Variants in TIMM23 observed in about 807,000 individuals in gnomAD.
The protein encoded by TIMM23 is mitochondrial import inner membrane translocase subunit Tim23.
A neutral mutation model predicts 30.7 loss-of-function variants in TIMM23; 19 were observed. The ratio of observed to expected loss-of-function variants is 0.62; its 90% CI spans 0.43 to 0.91. TIMM23 has a LOEUF of 0.91. Ranked by LOEUF, TIMM23 falls within the 40% of genes least tolerant of loss-of-function variation. TIMM23 has a pLI of 0.00. For missense variants in TIMM23, 202 were observed against 269.2 expected (o/e 0.75, Z 1.75); for synonymous variants, 78 against 98.5 (o/e 0.79, Z 1.23).
At chr10:45,989,314 C>G (rs1209966679) in intron 6 of TIMM23, among the ~76,000 whole-genome samples, 4 of 152,336 alleles carry the variant, frequency 2.6e-5, no homozygotes, top group African/African-American at 9.6e-5. Flanking sequence ...GAATTCCCTT[C>G]CTTTTTAAAG....
rs782262599 is a variant in TIMM23, at chr10:45,972,658, A to T, written c.34A>T (p.Thr12Ser). The T allele has an allele frequency of 7.4e-6, 12 of 1,614,008 alleles. No individual in the cohort carries two copies. Among genetic ancestry groups the T allele is most frequent in the South Asian group, 6.6e-5 (6 of 91,082 alleles). Residue 12 changes from threonine to serine, a missense_variant, in exon 1 of 7, where the codon ACA becomes TCA. Thr to Ser is a moderately conservative substitution (Grantham distance 58). Coordinates refer to ENST00000580018, the MANE Select transcript of TIMM23 (RefSeq NM_006327.4). ...AGGCGGGGGAAGCGGCAACAAAACCACAGGGGGATTGGCCGGCTTTTTCGG... is the reference window on the plus strand; with the variant it reads ...AGGCGGGGGAAGCGGCAACAAAACCTCAGGGGGATTGGCCGGCTTTTTCGG... ...EGGGGSGNKT[T>S]GGLAGFFGAG...
rs1220432900 is a variant in TIMM23 at position 45,979,855 on chromosome 10, T to C, written c.166-2668T>C. 4.7e-3 allele frequency among the ~76,000 whole-genome samples: 721 copies of C among 152,290 alleles called. 5 individuals carry two copies. The highest frequency in any genetic ancestry group is 0.019 in the East Asian group (98 of 5,178). On this transcript the variant is annotated intron_variant, in intron 2 of 6. Coordinates refer to ENST00000580018, the MANE Select transcript of TIMM23 (RefSeq NM_006327.4). ...CTTTAAAAGTACTCCTTTGTCAGTTTACTCAAAATTTCAAAACTAGCTGCA... is the reference window on the plus strand; with the variant it reads ...CTTTAAAAGTACTCCTTTGTCAGTTCACTCAAAATTTCAAAACTAGCTGCA...
intron 6 of TIMM23, among the ~76,000 whole-genome samples, chr10:45,991,930 G>A (rs80124943): frequency 0.59 from 89,249 of 151,384 alleles, 26,739 homozygotes; most frequent in Admixed American, 0.67. Flanking sequence ...TCCCTTACTT[G>A]TCTCTTCCAG....
chr10:45,989,006 A>G (rs1395517082), intron 6 of TIMM23, among the ~76,000 whole-genome samples, 159 bp downstream of exon 6: 1 of 152,232 alleles, frequency 6.6e-6, no homozygotes, highest in African/African-American at 2.4e-5. Context: ...TGGTAAAATA[A>G]ACATAAGATT....
intron 6 of TIMM23, among the ~76,000 whole-genome samples, chr10:46,000,998 A>C (rs1345344633): frequency 6.6e-6 from 1 of 152,202 alleles, no homozygotes; most frequent in African/African-American, 2.4e-5. Flanking sequence ...CTAATAACTG[A>C]GCGATAGCAA....
In TIMM23 at chr10:45,993,244, C is replaced by CTTTTTTTTTTT. The variant is rs782013689; in HGVS notation, c.514+4404_514+4414dup. Among the ~76,000 whole-genome samples, 32 of 72,038 alleles carry CTTTTTTTTTTT rather than the reference C, an allele frequency of 4.4e-4. 5 individuals are homozygous for CTTTTTTTTTTT. Among genetic ancestry groups the CTTTTTTTTTTT allele is most frequent in the African/African-American group, 6.1e-4 (9 of 14,736 alleles). 47.3% of individuals were successfully genotyped at this position (72,038 alleles called of 152,430 possible). A position where few individuals can be genotyped will look rare whatever the true frequency, so the allele number is the denominator to read the frequency against. On this transcript the variant is annotated intron_variant, in intron 6 of 6. Transcript: ENST00000580018. ...TTGCCAGTGTGAGCATCTACCATCA[C>CTTTTTTTTTTT]TTTTTTTTTTTTTTTTTGGAGACTG...
At chr10:45,982,230 C>G (rs1837872264) in intron 2 of TIMM23, among the ~76,000 whole-genome samples, 1 of 152,174 alleles carries the variant, frequency 6.6e-6, no homozygotes. Flanking sequence ...TTTCAGTGTT[C>G]CTTTCTCTAG....
At chr10:45,986,557 G>C (rs1156632717) in intron 5 of TIMM23, among the ~76,000 whole-genome samples, 2 of 152,102 alleles carry the variant, frequency 1.3e-5, no homozygotes, top group African/African-American at 2.4e-5. Context: ...AGCTTTCATA[G>C]AAGTATAAAA....
At chr10:45,990,043 A>G (rs1838108667) in intron 6 of TIMM23, among the ~76,000 whole-genome samples, 7 of 152,188 alleles carry the variant, frequency 4.6e-5, no homozygotes, top group East Asian at 1.9e-4. Context: ...TTTAACATCT[A>G]AAAGATTTTA....
At chr10:45,990,116 ATT>A (rs782791725) in intron 6 of TIMM23, among the ~76,000 whole-genome samples, 30,920 of 135,522 alleles carry the variant, frequency 0.23, 2,726 homozygotes, top group South Asian at 0.49. Context: ...GCAACTTTTA[ATT>A]TTTTTTTTTT....
At chr10:45,983,084 A>G (rs1248042122) in intron 4 of TIMM23, among the ~76,000 whole-genome samples, 154 bp downstream of exon 4, 4 of 152,374 alleles carry the variant, frequency 2.6e-5, no homozygotes, top group East Asian at 1.9e-4. Flanking sequence ...AAAAGCAACT[A>G]AGGAATCAGA....
At chr10:46,002,136 G>T (rs28410532) in intron 6 of TIMM23, among the ~76,000 whole-genome samples, 1,639 of 152,140 alleles carry the variant, frequency 0.011, 20 homozygotes, top group African/African-American at 0.037. Context: ...TGCATGAAGT[G>T]GGGGGTGGTC....
At position 45,998,438 on chromosome 10, in the gene TIMM23, T is replaced by G. The variant is rs1838413776; in HGVS notation, c.515-4765T>G. Reference sequence around the variant, plus strand: ...TCATATTTGCTTTGCTTTATAGAGATTGACCATTGGCCTTATTTGGTTACT... The same window carrying G: ...TCATATTTGCTTTGCTTTATAGAGAGTGACCATTGGCCTTATTTGGTTACT... On this transcript the variant is annotated intron_variant, in intron 6 of 6. Coordinates refer to ENST00000580018, the MANE Select transcript of TIMM23 (RefSeq NM_006327.4). 1.0e-5 allele frequency: 10 copies of G among 969,056 alleles called. No homozygotes were observed. The South Asian group carries it at 4.8e-4, about 46-fold the overall frequency. 60.0% of individuals were successfully genotyped at this position (969,056 alleles called of 1,614,324 possible). A position where few individuals can be genotyped will look rare whatever the true frequency, so the allele number is the denominator to read the frequency against.
chr10:45,996,705 G>A (rs1838344192), intron 6 of TIMM23, among the ~76,000 whole-genome samples: 2 of 152,074 alleles, frequency 1.3e-5, no homozygotes, highest in Admixed American at 6.5e-5. Context: ...AGCCATACAG[G>A]CTGGGTGTGG....
At chr10:45,982,739 C>A (rs1837883718) in intron 3 of TIMM23, 107 bp from the exon 4 acceptor site, 1 of 1,561,624 alleles carries the variant, frequency 6.4e-7, no homozygotes, top group Non-Finnish European at 8.7e-7. Flanking sequence ...TTGTCTTTTT[C>A]TATTAAATAA....
intron 6 of TIMM23, among the ~76,000 whole-genome samples, chr10:45,996,310 C>A (rs1252095596): frequency 6.9e-6 from 1 of 143,888 alleles, no homozygotes; most frequent in East Asian, 2.0e-4. Flanking sequence ...TGCAGTGAGC[C>A]GAGATTACAC....
chr10:45,992,603 G>A (rs1554915995), intron 6 of TIMM23: 2 of 431,160 alleles, frequency 4.6e-6, no homozygotes, highest in African/African-American at 4.2e-5. Context: ...CTGTCGCCAG[G>A]CTGCAGTGCA....
At chr10:45,979,283 C>A (rs111921135) in intron 2 of TIMM23, among the ~76,000 whole-genome samples, 1 of 152,172 alleles carries the variant, frequency 6.6e-6, no homozygotes, top group African/African-American at 2.4e-5. Context: ...ACATGAGATA[C>A]AGATCAGTAA....
chr10:45,983,986 C>T (rs1483764963), intron 4 of TIMM23, among the ~76,000 whole-genome samples: 1 of 152,190 alleles, frequency 6.6e-6, no homozygotes, highest in Non-Finnish European at 1.5e-5. Flanking sequence ...TCAGGTGATC[C>T]TCTTGCCTCA....
Sources: gnomAD v4.1 joint callset for allele counts (sites outside exome capture counted in the v4.1 genomes callset) on GRCh38, gnomAD v4.1.1 for gene constraint, MANE v1.5 for transcripts, NCBI Gene and HGNC (gene_info 2026-07-23, HGNC 2026-07-21) for gene names.